The following RNF32 variants were observed in gnomAD, a reference collection of about 807,000 sequenced individuals.
RNF32 encodes ring finger protein 32.
RNF32 carries 36 observed loss-of-function variants against 41.0 expected under a neutral mutation model. That is an observed-to-expected ratio of 0.88 (90% confidence interval 0.67 to 1.16). The LOEUF (loss-of-function observed/expected upper bound fraction) is 1.16. Ranked by LOEUF, RNF32 falls within the 50% of genes most tolerant of loss-of-function variation. RNF32 has a pLI of 0.00. For synonymous variants in RNF32, 154 were observed against 160.9 expected (o/e 0.96, Z 0.32); for missense variants, 413 against 436.7 (o/e 0.95, Z 0.48).
intron 7 of RNF32, chr7:156,659,816 G>T: frequency 1.3e-6 from 1 of 776,098 alleles, no homozygotes; most frequent in Non-Finnish European, 1.6e-6. Context: ...AAGTTTCAGC[G>T]TTCAGTGCTC....
intron 7 of RNF32, chr7:156,659,815 C>A: frequency 2.6e-6 from 2 of 760,612 alleles, no homozygotes; most frequent in Non-Finnish European, 3.2e-6. Flanking sequence ...TAAGTTTCAG[C>A]GTTCAGTGCT....
chr7:156,646,502 T>A (rs769571289), intron 3 of RNF32: 104 of 1,297,436 alleles, frequency 8.0e-5, no homozygotes, highest in Non-Finnish European at 2.9e-5. Context: ...TATGACCTCA[T>A]CTTAACTACA....
intron 3 of RNF32, among the ~76,000 whole-genome samples, chr7:156,653,076 C>T (rs1411409612): frequency 1.5e-5 from 2 of 137,654 alleles, no homozygotes; most frequent in Non-Finnish European, 3.1e-5. Flanking sequence ...TGTCCTAGGC[C>T]TTCACACTCA....
chr7:156,659,113 C>G, intron 7 of RNF32: 1 of 1,350,840 alleles, frequency 7.4e-7, no homozygotes, highest in Admixed American at 3.6e-5. Flanking sequence ...TTAACAATTT[C>G]CCATTCCTTG....
At chr7:156,645,018 TA>T (rs1366312613) in intron 3 of RNF32, among the ~76,000 whole-genome samples, 1 of 151,998 alleles carries the variant, frequency 6.6e-6, no homozygotes, top group Non-Finnish European at 1.5e-5. Context: ...TTGATAAAAA[TA>T]AATAATTGAG....
chr7:156,657,662 A>G, intron 5 of RNF32, 89 bp downstream of exon 5: 1 of 1,252,022 alleles, frequency 8.0e-7, no homozygotes, highest in Non-Finnish European at 1.2e-6. Flanking sequence ...GCTCCTAAGG[A>G]GAGCCATTTA....
In RNF32 at chr7:156,658,212, C is replaced by A; in HGVS notation, c.535C>A (p.His179Asn). The change falls in exon 6 of 9, where the codon CAC (histidine) becomes AAC (asparagine). Residue 179 changes from histidine (H) to asparagine (N), a missense_variant. By Grantham distance (68) the His-to-Asn change is moderately conservative. Coordinates refer to ENST00000317955, the MANE Select transcript of RNF32 (RefSeq NM_030936.4). ...RKNQYQTRVI[H>N]DGARLFRIKC... Reference sequence around the variant, plus strand: ...GAACCAGTATCAAACCCGAGTGATACACGATGGGGCCCGCCTGTTCAGAAT... The same window carrying A: ...GAACCAGTATCAAACCCGAGTGATAAACGATGGGGCCCGCCTGTTCAGAAT... 6.2e-7 allele frequency: 1 copy of A among 1,614,152 alleles called. No homozygotes were observed. Among genetic ancestry groups the A allele is most frequent in the South Asian group, 1.1e-5 (1 of 91,078 alleles).
chr7:156,672,730 T>C (rs1159455044), intron 7 of RNF32, among the ~76,000 whole-genome samples: 1 of 152,194 alleles, frequency 6.6e-6, no homozygotes, highest in African/African-American at 2.4e-5. Context: ...TGTACATACA[T>C]ATTTATATGT....
intron 3 of RNF32, among the ~76,000 whole-genome samples, chr7:156,648,857 G>GTT (rs1288440310): frequency 6.6e-6 from 1 of 151,822 alleles, no homozygotes; most frequent in Non-Finnish European, 1.5e-5. Context: ...TAAATCCATT[G>GTT]TTTTGTTTTG....
At chr7:156,664,244 G>T (rs868582658) in intron 7 of RNF32, among the ~76,000 whole-genome samples, 1 of 151,968 alleles carries the variant, frequency 6.6e-6, no homozygotes, top group African/African-American at 2.4e-5. Context: ...GGGGCATCAC[G>T]TGAGGTCGGG....
At chr7:156,674,425 G>A (rs1282701548) in intron 7 of RNF32, among the ~76,000 whole-genome samples, 2 of 152,248 alleles carry the variant, frequency 1.3e-5, no homozygotes, top group African/African-American at 4.8e-5. Flanking sequence ...GTGGCTGACA[G>A]TCACCATTGG....
At chr7:156,667,196 T>G (rs768718194) in intron 7 of RNF32, among the ~76,000 whole-genome samples, 1 of 152,244 alleles carries the variant, frequency 6.6e-6, no homozygotes, top group African/African-American at 2.4e-5. Flanking sequence ...TTCATTGATA[T>G]GCTGTAAATT....
intron 5 of RNF32, among the ~76,000 whole-genome samples, 172 bp from the exon 6 acceptor site, chr7:156,657,956 G>C (rs1220634423): frequency 1.3e-5 from 2 of 152,188 alleles, no homozygotes; most frequent in African/African-American, 2.4e-5. Context: ...AACAGGTTTT[G>C]TGAGGAAGGT....
chr7:156,650,936 C>G (rs1046311262), intron 3 of RNF32, among the ~76,000 whole-genome samples: 1 of 152,216 alleles, frequency 6.6e-6, no homozygotes, highest in African/African-American at 2.4e-5. Context: ...TGCTGTTACT[C>G]TTAACCCTGC....
intron 3 of RNF32, among the ~76,000 whole-genome samples, chr7:156,648,299 C>T (rs1183408411): frequency 2.0e-5 from 3 of 152,122 alleles, no homozygotes; most frequent in East Asian, 3.8e-4. Flanking sequence ...GTTTCCACAG[C>T]GACGCCAGGG....
chr7:156,640,281 G>A (rs1235895147), upstream of RNF32: 2 of 448,522 alleles, frequency 4.5e-6, no homozygotes, highest in Admixed American at 5.0e-5. Flanking sequence ...TCGAGACCCT[G>A]GAACGGGAAC....
At chr7:156,648,670 T>C (rs1359478620) in intron 3 of RNF32, among the ~76,000 whole-genome samples, 1 of 152,246 alleles carries the variant, frequency 6.6e-6, no homozygotes, top group Non-Finnish European at 1.5e-5. Flanking sequence ...TTACTGTCTA[T>C]ACATAATATT....
chr7:156,658,932 A>C, intron 7 of RNF32: 4 of 1,536,906 alleles, frequency 2.6e-6, no homozygotes, highest in Non-Finnish European at 3.5e-6. Flanking sequence ...CATCTGCTGC[A>C]CATCTCATAG....
At chr7:156,640,377 C>CG (rs1465030557), upstream of RNF32, 2 of 439,842 alleles carry the variant, frequency 4.5e-6, no homozygotes, top group Non-Finnish European at 9.1e-6. Flanking sequence ...ACAAAGCCGC[C>CG]GGGGGCTGCG....
Sources: allele counts gnomAD v4.1 joint callset (sites outside exome capture counted in the v4.1 genomes callset), GRCh38; gene constraint gnomAD v4.1.1; transcripts MANE v1.5; gene names NCBI Gene and HGNC (gene_info 2026-07-23, HGNC 2026-07-21).